GLT1D1: variants seen among roughly 807,000 people sequenced by gnomAD.
GLT1D1 encodes glycosyltransferase 1 domain-containing protein 1.
GLT1D1 carries 21 observed loss-of-function variants against 28.7 expected under a neutral mutation model. The ratio of observed to expected loss-of-function variants is 0.73; its 90% CI spans 0.52 to 1.05. GLT1D1 has a LOEUF of 1.05. Among genes scored for constraint, GLT1D1 ranks in the 50% least tolerant of loss-of-function variants. GLT1D1 has a pLI of 0.00. For missense variants in GLT1D1, 343 were observed against 330.6 expected, an observed-to-expected ratio of 1.04 and a Z score of -0.29; for synonymous variants, 147 against 124.8, an observed-to-expected ratio of 1.18 and a Z score of -1.19.
rs372707472 is a variant in GLT1D1, at chr12:128,886,452, C to G, written c.218-2187C>G. ...GACCCCTGAGGCGGTGACAGGGGAG[C>G]CTGTTCTGGAGGTTGGAAAGCTGAA... is the stretch of plus-strand genomic sequence containing the variant. On this transcript the variant is annotated intron_variant, in intron 2 of 7. Transcript: ENST00000281703. 2.8e-4 allele frequency among the ~76,000 whole-genome samples: 43 copies of G among 152,208 alleles called. No individual in the cohort carries two copies. The East Asian group carries it at 8.0e-3, about 28-fold the overall frequency.
rs960945754 is a variant in GLT1D1, at chr12:128,860,677, C to T, written c.68+7028C>T. On this transcript the variant is annotated intron_variant, in intron 1 of 7. Coordinates refer to ENST00000281703, the MANE Select transcript of GLT1D1 (RefSeq NM_144669.3). ...ATGGTCCAGTGTGGACTCGATCCTT[C>T]GGGCAGGGTGCTTGGAGAACACAGA... 5.3e-5 allele frequency among the ~76,000 whole-genome samples: 8 copies of T among 152,218 alleles called. No individual in the cohort carries two copies. In the East Asian group the frequency reaches 9.7e-4, roughly 18 times the overall value.
At chr12:128,910,991 G>A (rs979304725) in intron 4 of GLT1D1, among the ~76,000 whole-genome samples, 2 of 152,114 alleles carry the variant, frequency 1.3e-5, no homozygotes, top group African/African-American at 2.4e-5. Context: ...GTGCAGTGGC[G>A]CAATGTCGGC....
At chr12:128,935,538 CAAA>C (rs35895301) in intron 4 of GLT1D1, among the ~76,000 whole-genome samples, 6 of 82,998 alleles carry the variant, frequency 7.2e-5, no homozygotes, top group Admixed American at 2.7e-4. Context: ...GACTCTGTCT[CAAA>C]AAAAAAAAAA....
chr12:128,873,911 C>CTT (rs1405000105), intron 1 of GLT1D1, among the ~76,000 whole-genome samples: 125 of 119,526 alleles, frequency 1.0e-3, no homozygotes, highest in African/African-American at 3.7e-3. Context: ...CTCTTTCTTT[C>CTT]TCTCTTTCTT....
At chr12:128,908,059 G>T (rs1391535042) in intron 4 of GLT1D1, among the ~76,000 whole-genome samples, 1 of 152,160 alleles carries the variant, frequency 6.6e-6, no homozygotes, top group Non-Finnish European at 1.5e-5. Context: ...TTTGTGAAGG[G>T]TCACGGGTTG....
At chr12:128,928,361 C>T (rs753266811) in intron 4 of GLT1D1, among the ~76,000 whole-genome samples, 41 of 152,174 alleles carry the variant, frequency 2.7e-4, no homozygotes, top group Non-Finnish European at 4.1e-4. Flanking sequence ...TTGCAGATGC[C>T]GCCTCCCATT....
chr12:128,962,365 C>T (rs1044177197), intron 7 of GLT1D1, among the ~76,000 whole-genome samples: 1 of 152,256 alleles, frequency 6.6e-6, no homozygotes, highest in African/African-American at 2.4e-5. Context: ...TAAGAAGGGA[C>T]AGGACTAAGA....
chr12:128,934,863 G>A (rs112319693), intron 4 of GLT1D1, among the ~76,000 whole-genome samples: 94 of 152,184 alleles, frequency 6.2e-4, no homozygotes, highest in African/African-American at 8.7e-4. Context: ...CTTCAAGGAC[G>A]GGGTCCAGGA....
At chr12:128,952,685 G>A (rs886683123) in intron 6 of GLT1D1, among the ~76,000 whole-genome samples, 1 of 147,222 alleles carries the variant, frequency 6.8e-6, no homozygotes, top group Non-Finnish European at 1.5e-5. Context: ...ATGTTGGTCA[G>A]TCTGGTCTTG....
intron 7 of GLT1D1, among the ~76,000 whole-genome samples, chr12:128,969,797 T>TG: frequency 6.6e-6 from 1 of 152,216 alleles, no homozygotes; most frequent in Non-Finnish European, 1.5e-5. Flanking sequence ...GAGGCATCTC[T>TG]GCGTCATCCT....
intron 2 of GLT1D1, among the ~76,000 whole-genome samples, chr12:128,882,974 G>A (rs557126886): frequency 8.2e-4 from 124 of 151,420 alleles, no homozygotes; most frequent in Non-Finnish European, 1.1e-3. Context: ...TCGCCAGGCT[G>A]TAGTGTAGTG....
chr12:128,946,464 A>C (rs1876093254), intron 5 of GLT1D1, among the ~76,000 whole-genome samples: 2 of 151,690 alleles, frequency 1.3e-5, no homozygotes, highest in East Asian at 3.9e-4. Context: ...CTCCTGCCTC[A>C]GCCTCCTGAG....
intron 6 of GLT1D1, among the ~76,000 whole-genome samples, chr12:128,947,770 G>A (rs2135495418): frequency 6.6e-6 from 1 of 152,280 alleles, no homozygotes; most frequent in East Asian, 1.9e-4. Context: ...GATTGAGACA[G>A]GAAACAGATT....
chr12:128,874,105 TCTCTCTCTCTCTCTC>T, intron 1 of GLT1D1, among the ~76,000 whole-genome samples: 1 of 48,982 alleles, frequency 2.0e-5, no homozygotes, highest in African/African-American at 8.9e-5. Context: ...TCTTTCTCTC[TCTCTCTCTCTCTCTC>T]TCTCTCTTTC....
chr12:128,973,307 C>A (rs1593212819), intron 7 of GLT1D1, among the ~76,000 whole-genome samples: 2 of 149,540 alleles, frequency 1.3e-5, no homozygotes. Context: ...CTCAGCCTCC[C>A]CAGTAGCTGG....
intron 6 of GLT1D1, among the ~76,000 whole-genome samples, chr12:128,948,609 A>C (rs1876371871): frequency 1.3e-5 from 2 of 152,170 alleles, no homozygotes; most frequent in South Asian, 2.1e-4. Flanking sequence ...TTCTTTCTGA[A>C]TACGTAGATT....
intron 4 of GLT1D1, among the ~76,000 whole-genome samples, chr12:128,929,234 C>T (rs1313361519): frequency 1.3e-5 from 2 of 152,238 alleles, no homozygotes; most frequent in African/African-American, 4.8e-5. Flanking sequence ...GTTCGTCAGC[C>T]TCTGCTTTAT....
At chr12:128,934,648 C>T (rs542116704) in intron 4 of GLT1D1, among the ~76,000 whole-genome samples, 1 of 152,232 alleles carries the variant, frequency 6.6e-6, no homozygotes, top group Non-Finnish European at 1.5e-5. Flanking sequence ...CAGAAACCAC[C>T]TCTGGCCCAA....
chr12:128,873,425 C>T (rs1183817687), intron 1 of GLT1D1, among the ~76,000 whole-genome samples: 3 of 152,140 alleles, frequency 2.0e-5, no homozygotes, highest in South Asian at 2.1e-4. Context: ...GAGGGCCCTG[C>T]GGATGCACGG....
Sources: allele counts gnomAD v4.1 joint callset (sites outside exome capture counted in the v4.1 genomes callset), GRCh38; gene constraint gnomAD v4.1.1; transcripts MANE v1.5; gene names NCBI Gene and HGNC (gene_info 2026-07-23, HGNC 2026-07-21).